BRSK2: variants seen among roughly 807,000 people sequenced by gnomAD.
BRSK2 encodes BR serine/threonine kinase 2, also known as serine/threonine-protein kinase BRSK2.
Under a neutral mutation model 83.3 loss-of-function variants are expected in BRSK2, and 19 were observed. The ratio of observed to expected loss-of-function variants is 0.23; its 90% CI spans 0.16 to 0.33. The LOEUF (loss-of-function observed/expected upper bound fraction) is 0.33, where lower values mean the gene tolerates loss of function less well. Ranked by LOEUF, BRSK2 falls within the 10% of genes least tolerant of loss-of-function variation. BRSK2 has a pLI of 1.00. For synonymous variants in BRSK2, 519 were observed against 435.4 expected, an observed-to-expected ratio of 1.19 and a Z score of -2.39; for missense variants, 798 against 1,042.3, an observed-to-expected ratio of 0.77 and a Z score of 3.23.
chr11:1,448,081 ACCACGCACCATGGCTTACAGGG>A (rs1852404193), intron 12 of BRSK2, among the ~76,000 whole-genome samples: 1 of 152,076 alleles, frequency 6.6e-6, no homozygotes, highest in Non-Finnish European at 1.5e-5. Context: ...CCTGTGAGGG[ACCACGCACCATGGCTTACAGGG>A]CCTGGGGCTA....
At chr11:1,459,067 T>A (rs1847042626) in intron 18 of BRSK2, 125 bp from the exon 19 acceptor site, 2,302 of 390,054 alleles carry the variant, frequency 5.9e-3, no homozygotes, top group East Asian at 0.012. Flanking sequence ...TCCCCACCCA[T>A]GCCTCTGGGG....
At chr11:1,443,989 G>A (rs764344886) in intron 8 of BRSK2, among the ~76,000 whole-genome samples, 8 of 152,160 alleles carry the variant, frequency 5.3e-5, no homozygotes, top group Non-Finnish European at 1.2e-4. Flanking sequence ...CACATGCCCA[G>A]GTTCATGTGA....
At chr11:1,421,322 C>G (rs1476850650) in intron 1 of BRSK2, among the ~76,000 whole-genome samples, 2 of 152,158 alleles carry the variant, frequency 1.3e-5, no homozygotes, top group Non-Finnish European at 2.9e-5. Context: ...CCTTGCCCAT[C>G]TCTGGCTGCA....
chr11:1,443,950 G>A (rs544960832), intron 8 of BRSK2, among the ~76,000 whole-genome samples: 3 of 152,188 alleles, frequency 2.0e-5, no homozygotes, highest in Admixed American at 6.5e-5. Flanking sequence ...ATGCCCAGGT[G>A]TGTGTTCAAG....
chr11:1,425,781 G>C (rs542395974), intron 1 of BRSK2, among the ~76,000 whole-genome samples: 1 of 152,286 alleles, frequency 6.6e-6, no homozygotes, highest in East Asian at 1.9e-4. Context: ...GTGGGTAGCA[G>C]GCACCCGACA....
chr11:1,447,035 G>T (rs536034690), intron 12 of BRSK2, among the ~76,000 whole-genome samples: 1 of 152,048 alleles, frequency 6.6e-6, no homozygotes, highest in Non-Finnish European at 1.5e-5. Flanking sequence ...TCCCAGTTCT[G>T]GCAGCTCCCA....
At chr11:1,411,375 G>A (rs1847478482) in intron 1 of BRSK2, 2 of 1,452,944 alleles carry the variant, frequency 1.4e-6, no homozygotes, top group Middle Eastern at 1.9e-4. Flanking sequence ...AGTTTGGGGA[G>A]GGAGCCTGGT....
intron 12 of BRSK2, among the ~76,000 whole-genome samples, chr11:1,448,777 C>T (rs1343430896): frequency 2.0e-5 from 3 of 152,230 alleles, no homozygotes; most frequent in Non-Finnish European, 4.4e-5. Context: ...TGCCCCTTGG[C>T]TGTGTCTGGT....
At chr11:1,427,557 C>G (rs1180133466) in intron 1 of BRSK2, among the ~76,000 whole-genome samples, 1 of 152,172 alleles carries the variant, frequency 6.6e-6, no homozygotes, top group East Asian at 1.9e-4. Context: ...CGCAGGGAGA[C>G]CCAGCACTCT....
At chr11:1,460,457 T>G in intron 19 of BRSK2, 43 bp from the exon 20 acceptor site, 1 of 1,162,048 alleles carries the variant, frequency 8.6e-7, no homozygotes, top group Admixed American at 5.1e-5. Flanking sequence ...TTTTTTCTTT[T>G]TTCCTTTTTT....
intron 2 of BRSK2, among the ~76,000 whole-genome samples, chr11:1,437,193 G>A (rs1214896000): frequency 6.6e-6 from 1 of 152,124 alleles, no homozygotes; most frequent in Non-Finnish European, 1.5e-5. Flanking sequence ...CCGACTAAAG[G>A]AGGGCCTGGG....
chr11:1,460,168 C>T (rs1049118406), intron 19 of BRSK2, among the ~76,000 whole-genome samples: 10 of 152,302 alleles, frequency 6.6e-5, no homozygotes, highest in South Asian at 2.1e-4. Flanking sequence ...CCCCGAGCCT[C>T]GCTTCGCCAA....
chr11:1,399,805 T>C (rs1051955056), intron 1 of BRSK2, among the ~76,000 whole-genome samples: 6 of 152,306 alleles, frequency 3.9e-5, no homozygotes, highest in African/African-American at 1.4e-4. Context: ...CCAGCCTCCT[T>C]CTTCCTTGGC....
chr11:1,415,913 G>C (rs1352460173), intron 1 of BRSK2, among the ~76,000 whole-genome samples: 1 of 152,292 alleles, frequency 6.6e-6, no homozygotes, highest in Non-Finnish European at 1.5e-5. Context: ...GCTTTGGGCA[G>C]GTGAGTGCCC....
At chr11:1,441,150 TCCC>T (rs200652013) in intron 4 of BRSK2, among the ~76,000 whole-genome samples, 1 of 51,390 alleles carries the variant, frequency 1.9e-5, no homozygotes. Flanking sequence ...AAGTGCACCG[TCCC>T]CCCATTAGCT....
At chr11:1,460,043 CAT>C (rs1847216364) in intron 19 of BRSK2, among the ~76,000 whole-genome samples, 3 of 148,724 alleles carry the variant, frequency 2.0e-5, no homozygotes, top group African/African-American at 7.4e-5. Flanking sequence ...TTTACGCTGT[CAT>C]CTCCGGCGTT....
intron 15 of BRSK2, among the ~76,000 whole-genome samples, chr11:1,451,997 T>A (rs1807266373): frequency 6.6e-6 from 1 of 151,826 alleles, no homozygotes; most frequent in South Asian, 2.1e-4. Flanking sequence ...CTCTCCCTCC[T>A]CTCCACGATG....
At chr11:1,448,039 G>C (rs1005907209) in intron 12 of BRSK2, among the ~76,000 whole-genome samples, 16 of 152,286 alleles carry the variant, frequency 1.1e-4, no homozygotes, top group African/African-American at 3.8e-4. Flanking sequence ...GGCCGAGGAG[G>C]GGTGGGGCTG....
Position 1,456,534 on chromosome 11 carries a change from C to T in BRSK2, c.1849+6C>T. 1.3e-6 allele frequency: 2 copies of T among 1,590,086 alleles called. No homozygotes were observed. Among genetic ancestry groups the T allele is most frequent in the South Asian group, 1.1e-5 (1 of 88,140 alleles). On this transcript the variant is annotated splice_donor_region_variant and intron_variant, in intron 17 of 19. Transcript: ENST00000528841. ...CACCTTCACCCTGCTCTCAGGTGAGCTGGCGCCCCCAGGGCGGCTCCGGGC... is the reference window on the plus strand; with the variant it reads ...CACCTTCACCCTGCTCTCAGGTGAGTTGGCGCCCCCAGGGCGGCTCCGGGC...
Sources: gnomAD v4.1 joint callset for allele counts (sites outside exome capture counted in the v4.1 genomes callset) on GRCh38, gnomAD v4.1.1 for gene constraint, MANE v1.5 for transcripts, NCBI Gene and HGNC (gene_info 2026-07-23, HGNC 2026-07-21) for gene names.